The following PTPN14 variants were observed in gnomAD, a reference collection of about 807,000 sequenced individuals.
The protein encoded by PTPN14 is tyrosine-protein phosphatase non-receptor type 14.
In PTPN14, 53 loss-of-function variants were observed where a neutral mutation model predicts 126.8. The ratio of observed to expected loss-of-function variants is 0.42; its 90% CI spans 0.34 to 0.53. The LOEUF is 0.53. Among genes scored for constraint, PTPN14 ranks in the 20% least tolerant of loss-of-function variants. PTPN14 has a pLI of 0.08. For missense variants in PTPN14, 1,257 were observed against 1,552.9 expected (o/e 0.81, Z 3.20); for synonymous variants, 630 against 599.3 (o/e 1.05, Z -0.75).
rs1658044117 is a variant in PTPN14 at position 214,364,808 on chromosome 1, TTAA to T, written c.3272-136_3272-134del. The T allele has an allele frequency of 2.7e-4, 238 of 877,324 alleles. No individual in the cohort carries two copies. The highest frequency in any genetic ancestry group is 3.5e-4 in the Admixed American group (12 of 34,520). The allele number at this position is 877,324 out of a possible 1,614,324, so 54.3% of individuals were successfully genotyped here. A position where few individuals can be genotyped will look rare whatever the true frequency, so the allele number is the denominator to read the frequency against. The stretch of plus-strand genomic sequence containing the variant: ...GTGTGTGTGTGTGTGTGTGTGTGTT[TTAA>T]GTGACAATAATTTATAGTTCTTACA... On this transcript the variant is annotated intron_variant, in intron 17 of 18. Transcript: ENST00000366956. The surrounding 1 kb of genome is among the most constrained non-coding windows in gnomAD (Gnocchi z 4.1).
At chr1:214,515,505 C>T (rs1030313015) in intron 1 of PTPN14, among the ~76,000 whole-genome samples, 3 of 151,760 alleles carry the variant, frequency 2.0e-5, no homozygotes, top group African/African-American at 2.4e-5. Flanking sequence ...AAAAAATAAG[C>T]CAGTAGGGTT....
At chr1:214,516,545 T>C (rs1467489806) in intron 1 of PTPN14, among the ~76,000 whole-genome samples, 1 of 152,198 alleles carries the variant, frequency 6.6e-6, no homozygotes, top group African/African-American at 2.4e-5. Flanking sequence ...CTGCTGGACA[T>C]CATTCTTGCC....
chr1:214,385,296 T>C (rs1347623821), intron 12 of PTPN14, among the ~76,000 whole-genome samples: 2 of 152,086 alleles, frequency 1.3e-5, no homozygotes, highest in African/African-American at 2.4e-5. Context: ...ACAAAACAAA[T>C]GATGTAGCCA....
intron 5 of PTPN14, among the ~76,000 whole-genome samples, chr1:214,410,601 C>T (rs78489085): frequency 0.017 from 2,607 of 152,224 alleles, 81 homozygotes; most frequent in African/African-American, 0.059. Context: ...ACATTTAAGT[C>T]TTTAATACAT....
At chr1:214,388,374 C>T (rs1180693113) in intron 11 of PTPN14, among the ~76,000 whole-genome samples, 1 of 151,892 alleles carries the variant, frequency 6.6e-6, no homozygotes, top group African/African-American at 2.4e-5. Context: ...TTGTAAGCCA[C>T]CGAACAGGAT....
At chr1:214,452,463 G>T (rs1338994352) in intron 2 of PTPN14, among the ~76,000 whole-genome samples, 1 of 152,206 alleles carries the variant, frequency 6.6e-6, no homozygotes, top group Non-Finnish European at 1.5e-5. Flanking sequence ...TACAGTACCA[G>T]ATTTTAACGG....
At chr1:214,515,281 A>G (rs1288485330) in intron 1 of PTPN14, among the ~76,000 whole-genome samples, 2 of 152,156 alleles carry the variant, frequency 1.3e-5, no homozygotes, top group South Asian at 4.1e-4. Flanking sequence ...CTTAGATGTA[A>G]AAGTATCCAC....
chr1:214,437,604 C>G (rs1659948597), intron 3 of PTPN14, among the ~76,000 whole-genome samples: 1 of 152,112 alleles, frequency 6.6e-6, no homozygotes, highest in Admixed American at 6.6e-5. Flanking sequence ...AGAGGAAATA[C>G]AATCAAACTG....
chr1:214,508,096 T>C (rs972682810), intron 1 of PTPN14, among the ~76,000 whole-genome samples: 4 of 149,776 alleles, frequency 2.7e-5, no homozygotes, highest in South Asian at 2.1e-4. Flanking sequence ...TTGATGTTGA[T>C]GGCTGCTGAT....
chr1:214,482,350 G>C (rs1661009385), intron 1 of PTPN14, among the ~76,000 whole-genome samples: 1 of 152,116 alleles, frequency 6.6e-6, no homozygotes, highest in South Asian at 2.1e-4. Flanking sequence ...TTTAAACTAA[G>C]AGAAAAAAGT....
chr1:214,530,276 T>A (rs1484458574), intron 1 of PTPN14: 3 of 152,054 alleles, frequency 2.0e-5, no homozygotes, highest in African/African-American at 7.2e-5. Context: ...GTCCCATAAG[T>A]GATCAACCCC....
intron 1 of PTPN14, 26 bp from the exon 2 acceptor site, chr1:214,464,983 G>T: frequency 1.5e-6 from 1 of 660,078 alleles, no homozygotes; most frequent in Non-Finnish European, 2.5e-6. Flanking sequence ...AAATGCCATG[G>T]TCATGCTCCA....
intron 1 of PTPN14, among the ~76,000 whole-genome samples, chr1:214,493,452 A>T (rs1257161246): frequency 6.6e-6 from 1 of 152,194 alleles, no homozygotes; most frequent in Admixed American, 6.5e-5. Flanking sequence ...CCATGATGTG[A>T]TTATTATGTA....
At chr1:214,532,836 A>G in intron 1 of PTPN14, 1 of 929,502 alleles carries the variant, frequency 1.1e-6, no homozygotes, top group Non-Finnish European at 1.8e-6. Context: ...ACAAAGATGA[A>G]CTAAAAGGCC....
chr1:214,403,153 A>G (rs1659075488), intron 5 of PTPN14, among the ~76,000 whole-genome samples, 200 bp from the exon 6 acceptor site: 2 of 152,174 alleles, frequency 1.3e-5, no homozygotes, highest in Non-Finnish European at 2.9e-5. Flanking sequence ...TCTCCATTAT[A>G]ACAGGTTATT....
At chr1:214,433,336 A>G (rs1165239026) in intron 3 of PTPN14, among the ~76,000 whole-genome samples, 2 of 152,046 alleles carry the variant, frequency 1.3e-5, no homozygotes, top group Non-Finnish European at 2.9e-5. Flanking sequence ...AGCTTGAAGA[A>G]ACTGGCAGGG....
chr1:214,394,764 C>G lies in PTPN14; in HGVS notation c.846+135G>C, dbSNP rs1571971597. 3 of 799,314 alleles carry G rather than the reference C, an allele frequency of 3.8e-6. No individual in the cohort carries two copies. The East Asian group carries it at 7.5e-5, about 20-fold the overall frequency. 49.5% of individuals were successfully genotyped at this position (799,314 alleles called of 1,614,324 possible). A position where few individuals can be genotyped will look rare whatever the true frequency, so the allele number is the denominator to read the frequency against. On this transcript the variant is annotated intron_variant, in intron 9 of 18. Transcript: ENST00000366956. ...TGGAATGAGTAATGACAGCACTGAC[C>G]AAGTATTAGAAAGCATCTCTTCAAG...
chr1:214,459,072 C>T (rs1251005664), intron 2 of PTPN14, among the ~76,000 whole-genome samples: 1 of 152,104 alleles, frequency 6.6e-6, no homozygotes, highest in Non-Finnish European at 1.5e-5. Flanking sequence ...AGCAGTTCAT[C>T]TCATGACCTC....
At chr1:214,382,541 A>G (rs190662934) in intron 13 of PTPN14, among the ~76,000 whole-genome samples, 28 of 152,254 alleles carry the variant, frequency 1.8e-4, no homozygotes, top group African/African-American at 6.7e-4. Context: ...TATACTGCCC[A>G]GGCTGGCTTC....
Sources: allele counts gnomAD v4.1 joint callset (sites outside exome capture counted in the v4.1 genomes callset), GRCh38; gene constraint gnomAD v4.1.1; non-coding constraint Gnocchi (gnomAD v3.1); transcripts MANE v1.5; gene names NCBI Gene and HGNC (gene_info 2026-07-23, HGNC 2026-07-21).